Variants in CSMD1 observed in about 807,000 individuals in gnomAD.
The protein encoded by CSMD1 is CUB and Sushi multiple domains 1.
In CSMD1, 213 loss-of-function variants were observed where a neutral mutation model predicts 417.5. The ratio of observed to expected loss-of-function variants is 0.51; its 90% confidence interval spans 0.46 to 0.57. The LOEUF (loss-of-function observed/expected upper bound fraction) is 0.57. Ranked by LOEUF, CSMD1 falls within the 20% of genes least tolerant of loss-of-function variation. The pLI is 0.00. For synonymous variants in CSMD1, 2,862 were observed against 1,736.8 expected (o/e 1.65, Z -16.11); for missense variants, 6,923 against 4,529.7 (o/e 1.53, Z -15.17).
chr8:3,396,432 C>A, intron 16 of CSMD1, 51 bp from the exon 17 acceptor site: 1 of 1,319,732 alleles, frequency 7.6e-7, no homozygotes, highest in Non-Finnish European at 1.0e-6. Flanking sequence ...TGCCAGCTTA[C>A]AGACGTGCTC....
chr8:4,010,032 C>A (rs185389303), intron 4 of CSMD1, among the ~76,000 whole-genome samples: 161 of 152,322 alleles, frequency 1.1e-3, no homozygotes, highest in Non-Finnish European at 1.6e-3. Context: ...TCTCCTACTA[C>A]TTCCTCGAAA....
At chr8:4,719,197 G>C (rs559048878) in intron 1 of CSMD1, among the ~76,000 whole-genome samples, 14 of 152,290 alleles carry the variant, frequency 9.2e-5, no homozygotes, top group Non-Finnish European at 1.8e-4. Flanking sequence ...AGAAAGTGCA[G>C]GGGTGGGGGA....
chr8:3,327,762 A>C (rs1236174725), intron 23 of CSMD1, among the ~76,000 whole-genome samples: 1 of 152,208 alleles, frequency 6.6e-6, no homozygotes, highest in Non-Finnish European at 1.5e-5. Flanking sequence ...TTTTATAATA[A>C]ATCAGTTTAT....
chr8:3,434,628 TA>T (rs1362779251), intron 12 of CSMD1, among the ~76,000 whole-genome samples: 4 of 152,290 alleles, frequency 2.6e-5, no homozygotes, highest in Non-Finnish European at 5.9e-5. Context: ...TTATTAGTGT[TA>T]AATCTCAACC....
intron 5 of CSMD1, among the ~76,000 whole-genome samples, chr8:3,817,394 C>T (rs149516402): frequency 0.011 from 1,713 of 149,412 alleles, 33 homozygotes; most frequent in African/African-American, 0.04. Context: ...TATTCTTCTG[C>T]CTCAACCTCC....
intron 12 of CSMD1, among the ~76,000 whole-genome samples, chr8:3,461,238 G>A (rs1453782670): frequency 6.6e-6 from 1 of 152,222 alleles, no homozygotes; most frequent in African/African-American, 2.4e-5. Flanking sequence ...AAGGGCTACT[G>A]ACCCCGAGAC....
chr8:4,005,152 G>C (rs1048172603), intron 4 of CSMD1, among the ~76,000 whole-genome samples: 10 of 152,066 alleles, frequency 6.6e-5, no homozygotes, highest in African/African-American at 2.2e-4. Context: ...AGTGGGAGTG[G>C]GGAAAGGGGA....
chr8:4,453,142 T>A (rs1280793466), intron 2 of CSMD1, among the ~76,000 whole-genome samples: 1 of 151,804 alleles, frequency 6.6e-6, no homozygotes, highest in African/African-American at 2.4e-5. Flanking sequence ...GTCACCAATT[T>A]GAGGCAAATA....
At chr8:3,394,032 A>ATATATT (rs1811532516) in intron 17 of CSMD1, among the ~76,000 whole-genome samples, 1 of 90,898 alleles carries the variant, frequency 1.1e-5, no homozygotes, top group Non-Finnish European at 2.4e-5. Flanking sequence ...ATATATATAT[A>ATATATT]TATATATATA....
chr8:4,446,220 T>G (rs117159396), intron 2 of CSMD1, among the ~76,000 whole-genome samples: 2 of 152,336 alleles, frequency 1.3e-5, no homozygotes, highest in Non-Finnish European at 2.9e-5. Flanking sequence ...CAATCATCTA[T>G]TTCTAGGATA....
chr8:4,606,938 T>C (rs973869076), intron 2 of CSMD1, among the ~76,000 whole-genome samples: 7 of 152,244 alleles, frequency 4.6e-5, no homozygotes, highest in African/African-American at 1.7e-4. Context: ...CATGAGTAGA[T>C]ATAATTCATC....
At chr8:3,461,969 G>A (rs12171641) in intron 12 of CSMD1, among the ~76,000 whole-genome samples, 12,617 of 152,148 alleles carry the variant, frequency 0.083, 612 homozygotes, top group African/African-American at 0.14. Context: ...GGAGGGTGGC[G>A]GTGAGGTGAG....
chr8:4,550,089 G>A (rs1003177299), intron 2 of CSMD1, among the ~76,000 whole-genome samples: 5 of 151,686 alleles, frequency 3.3e-5, no homozygotes, highest in African/African-American at 4.8e-5. Flanking sequence ...TTGGATAGGC[G>A]TGGGTTGCTC....
At chr8:2,949,505 A>T (rs1474002089) in intron 67 of CSMD1, 119 bp from the exon 68 acceptor site, 1 of 475,890 alleles carries the variant, frequency 2.1e-6, no homozygotes, top group Non-Finnish European at 3.6e-6. Context: ...ACTACTGGTT[A>T]AATGTTTTAT....
chr8:3,737,238 G>A (rs1468165784), intron 6 of CSMD1, among the ~76,000 whole-genome samples: 1 of 152,052 alleles, frequency 6.6e-6, no homozygotes, highest in Non-Finnish European at 1.5e-5. Flanking sequence ...GCTTTCTAGA[G>A]ATAAGCCGAT....
intron 25 of CSMD1, among the ~76,000 whole-genome samples, chr8:3,296,999 A>G (rs892027264): frequency 3.9e-5 from 6 of 152,222 alleles, no homozygotes; most frequent in Non-Finnish European, 7.3e-5. Context: ...ATAGGACTGG[A>G]TGAAATCTTC....
intron 26 of CSMD1, among the ~76,000 whole-genome samples, chr8:3,242,167 G>T (rs568042098): frequency 1.3e-5 from 2 of 152,144 alleles, no homozygotes; most frequent in Admixed American, 6.5e-5. Flanking sequence ...CTGGGCAGGT[G>T]GGGGAGGGCT....
intron 25 of CSMD1, among the ~76,000 whole-genome samples, chr8:3,296,391 G>A (rs2117311313): frequency 1.3e-5 from 2 of 152,244 alleles, no homozygotes; most frequent in South Asian, 4.1e-4. Flanking sequence ...TGAGAGCAGA[G>A]AAGAATGGGG....
At position 4,625,552 on chromosome 8, in the gene CSMD1, G is replaced by T. The variant is rs374493974; in HGVS notation, c.302+11790C>A. Among the ~76,000 whole-genome samples the T allele has an allele frequency of 6.8e-4, 104 of 151,858 alleles. No individual in the cohort carries two copies. In the South Asian group the frequency reaches 0.021, roughly 30 times the overall value. On this transcript the variant is annotated intron_variant, in intron 2 of 69. Transcript: ENST00000635120. ...CTGAACCATCTCTAGTCCAAAGTAG[G>T]ACTTCCCTGCCTCCCCTGGCTCTCC... is the stretch of plus-strand genomic sequence containing the variant.
Sources: allele counts gnomAD v4.1 joint callset (sites outside exome capture counted in the v4.1 genomes callset), GRCh38; gene constraint gnomAD v4.1.1; transcripts MANE v1.5; gene names NCBI Gene and HGNC (gene_info 2026-07-23, HGNC 2026-07-21).